Variants in CIROZ observed in about 807,000 individuals in gnomAD.
CIROZ encodes ciliated left-right organizer protein containing ZP-N domains.
the CIROZ span, chr1:10,982,004 A>T: frequency 6.5e-7 from 1 of 1,537,200 alleles, no homozygotes; most frequent in Non-Finnish European, 8.7e-7. Context: ...TGAATAAGGG[A>T]CACTTACCAG....
chr1:10,976,019 C>A, the CIROZ span: 2 of 670,766 alleles, frequency 3.0e-6, no homozygotes, highest in Non-Finnish European at 2.5e-6. Flanking sequence ...AGCCTGAAAT[C>A]CACGCTTTGG....
chr1:10,969,549 G>A, the CIROZ span, among the ~76,000 whole-genome samples: 1 of 152,180 alleles, frequency 6.6e-6, no homozygotes, highest in African/African-American at 2.4e-5. Context: ...TTGGAGCATA[G>A]CGGCACCAGA....
chr1:10,972,055 G>A, the CIROZ span, among the ~76,000 whole-genome samples: 1 of 152,196 alleles, frequency 6.6e-6, no homozygotes, highest in Admixed American at 6.5e-5. Context: ...GGCATCCACA[G>A]AGGCGTGCTA....
At chr1:10,975,986 C>T in the CIROZ span, among the ~76,000 whole-genome samples, 5 of 152,170 alleles carry the variant, frequency 3.3e-5, no homozygotes, top group East Asian at 3.8e-4. Flanking sequence ...GCAGGAATGC[C>T]GCTTCCTTGT....
the CIROZ span, chr1:10,957,660 C>G: frequency 1.8e-5 from 29 of 1,614,172 alleles, no homozygotes; most frequent in Non-Finnish European, 2.5e-5. Context: ...TGGACGGTGA[C>G]AGTGGTGGCA....
the CIROZ span, chr1:10,976,260 C>T: frequency 3.5e-4 from 543 of 1,533,726 alleles, no homozygotes; most frequent in South Asian, 2.3e-3. Flanking sequence ...GACGGCCCTG[C>T]GGGAGAGGAG....
chr1:10,981,187 G>T, the CIROZ span, among the ~76,000 whole-genome samples: 1 of 152,212 alleles, frequency 6.6e-6, no homozygotes, highest in African/African-American at 2.4e-5. Flanking sequence ...AGTGAGTCAT[G>T]CCCGTAATCC....
chr1:10,946,590 G>C, the CIROZ span: 31 of 152,242 alleles, frequency 2.0e-4, 1 homozygote, highest in East Asian at 5.6e-3. Context: ...TGGGCGTCTG[G>C]GGGTCCACCT....
chr1:10,951,390 C>G, the CIROZ span, among the ~76,000 whole-genome samples: 1 of 151,882 alleles, frequency 6.6e-6, no homozygotes, highest in African/African-American at 2.4e-5. Context: ...CATGGTGAAA[C>G]CTCATCTCTA....
chr1:10,958,716 G>A, the CIROZ span: 1 of 1,614,096 alleles, frequency 6.2e-7, no homozygotes, highest in Non-Finnish European at 8.5e-7. Context: ...CCGCTTACCT[G>A]TCTATTGTCC....
At chr1:10,947,775 G>A in the CIROZ span, 4 of 1,597,372 alleles carry the variant, frequency 2.5e-6, no homozygotes, top group South Asian at 4.4e-5. Flanking sequence ...CTGGAGTGAG[G>A]CCCCCCGGCC....
the CIROZ span, among the ~76,000 whole-genome samples, chr1:10,958,006 A>G: frequency 6.6e-6 from 1 of 152,332 alleles, no homozygotes; most frequent in South Asian, 2.1e-4. Flanking sequence ...CAACTGAAAG[A>G]ACGAACACAC....
the CIROZ span, among the ~76,000 whole-genome samples, chr1:10,981,659 T>G: frequency 6.6e-6 from 1 of 152,200 alleles, no homozygotes; most frequent in African/African-American, 2.4e-5. Flanking sequence ...AAGCATCTCT[T>G]GGTCAACTTG....
At chr1:10,962,235 C>A in the CIROZ span, among the ~76,000 whole-genome samples, 6,842 of 152,192 alleles carry the variant, frequency 0.045, 267 homozygotes, top group African/African-American at 0.1. Flanking sequence ...CACTTGAGGT[C>A]AGGAGTTCTA....
At chr1:10,980,398 G>A in the CIROZ span, among the ~76,000 whole-genome samples, 2 of 152,236 alleles carry the variant, frequency 1.3e-5, no homozygotes, top group Admixed American at 6.5e-5. Flanking sequence ...CCGGGTACCC[G>A]CCCTGGGCTC....
the CIROZ span, chr1:10,957,800 G>T: frequency 6.4e-7 from 1 of 1,573,726 alleles, no homozygotes; most frequent in South Asian, 1.2e-5. Flanking sequence ...AGGGAGGCAC[G>T]GTCACTAGGG....
the CIROZ span, among the ~76,000 whole-genome samples, chr1:10,956,588 G>A: frequency 6.6e-6 from 1 of 151,208 alleles, no homozygotes; most frequent in Non-Finnish European, 1.5e-5. Flanking sequence ...CCATTCTCCT[G>A]CCTCAGCCTC....
the CIROZ span, among the ~76,000 whole-genome samples, chr1:10,979,366 A>C: frequency 2.9e-4 from 44 of 152,162 alleles, no homozygotes; most frequent in Admixed American, 5.9e-4. Context: ...GCAGGCAAGA[A>C]CCTAAACTTC....
At chr1:10,966,358 C>A in the CIROZ span, 2 of 1,507,412 alleles carry the variant, frequency 1.3e-6, no homozygotes, top group Non-Finnish European at 1.8e-6. Flanking sequence ...CCAAACCCAC[C>A]TCTTTCTGCA....
Sources: allele counts gnomAD v4.1 joint callset (sites outside exome capture counted in the v4.1 genomes callset), GRCh38; gene constraint gnomAD v4.1.1; transcripts MANE v1.5; gene names NCBI Gene and HGNC (gene_info 2026-07-23, HGNC 2026-07-21).